Variants in IL1RAPL1 observed in about 807,000 individuals in gnomAD.
The protein encoded by IL1RAPL1 is interleukin-1 receptor accessory protein-like 1.
In IL1RAPL1, 3 loss-of-function variants were observed where a neutral mutation model predicts 48.4. That is an observed-to-expected ratio of 0.06 (90% CI 0.03 to 0.16). The LOEUF (loss-of-function observed/expected upper bound fraction) is 0.16. IL1RAPL1 is among the 10% of genes least tolerant of loss of function. The pLI, the probability that IL1RAPL1 is intolerant of heterozygous loss-of-function variation, is 1.00. For missense variants in IL1RAPL1, 349 were observed against 530.6 expected, an observed-to-expected ratio of 0.66 and a Z score of 3.36; for synonymous variants, 185 against 187.7, an observed-to-expected ratio of 0.99 and a Z score of 0.12.
rs1309460663 is a variant in IL1RAPL1 at position 29,006,639 on chromosome X, TTA to T, written c.82+217222_82+217223del. On this transcript the variant is annotated intron_variant, in intron 2 of 10. Transcript: ENST00000378993. ...TTGTCTTGCCCACATTTGTGTGTGT[TTA>T]TATATATGTGTGTGTGTGTGTGTGT... 3.2e-3 allele frequency among the ~76,000 whole-genome samples: 280 copies of T among 87,960 alleles called. 1 individual carries two copies. The highest frequency in any genetic ancestry group is 0.012 in the Middle Eastern group (2 of 171). The allele number at this position is 87,960 out of a possible 115,157, so 76.4% of individuals were successfully genotyped here.
chrX:29,547,692 A>G (rs1263625413), intron 5 of IL1RAPL1, among the ~76,000 whole-genome samples: 1 of 112,068 alleles, frequency 8.9e-6, no homozygotes, highest in African/African-American at 3.2e-5. Flanking sequence ...TGCTTTCTTA[A>G]AGACAATTTG....
intron 5 of IL1RAPL1, among the ~76,000 whole-genome samples, chrX:29,650,641 A>G (rs1286287592): frequency 9.0e-6 from 1 of 111,380 alleles, no homozygotes; most frequent in African/African-American, 3.3e-5. Context: ...TGGATTAAAG[A>G]CAAAGGTAAG....
chrX:29,714,163 C>T, intron 6 of IL1RAPL1, among the ~76,000 whole-genome samples: 1 of 111,889 alleles, frequency 8.9e-6, no homozygotes, highest in Non-Finnish European at 1.9e-5. Flanking sequence ...CCATTAAGGA[C>T]AGAATCTGCA....
intron 8 of IL1RAPL1, among the ~76,000 whole-genome samples, chrX:29,939,240 C>A (rs1933084650): frequency 1.8e-5 from 2 of 112,131 alleles, no homozygotes; most frequent in African/African-American, 3.2e-5. Flanking sequence ...GATTCTTTTT[C>A]CATTTCTTTT....
chrX:29,897,672 G>A (rs750591105), intron 6 of IL1RAPL1, among the ~76,000 whole-genome samples: 21 of 111,757 alleles, frequency 1.9e-4, no homozygotes, highest in Non-Finnish European at 3.0e-4. Flanking sequence ...GGAAGCTCAC[G>A]GTCTTTAAAT....
intron 2 of IL1RAPL1, among the ~76,000 whole-genome samples, chrX:29,147,346 A>G (rs2147495860): frequency 8.9e-6 from 1 of 112,162 alleles, no homozygotes; most frequent in South Asian, 3.7e-4. Context: ...GTTCATGATT[A>G]TTCTGATTCA....
chrX:29,781,866 G>A (rs964818659), intron 6 of IL1RAPL1, among the ~76,000 whole-genome samples: 4 of 111,486 alleles, frequency 3.6e-5, no homozygotes, highest in African/African-American at 1.3e-4. Flanking sequence ...TTCCAGCTAA[G>A]TATCACTACC....
At chrX:28,754,185 CA>C (rs1290131992) in intron 1 of IL1RAPL1, among the ~76,000 whole-genome samples, 1 of 111,568 alleles carries the variant, frequency 9.0e-6, no homozygotes, top group Non-Finnish European at 1.9e-5. Flanking sequence ...ATACTTCTCT[CA>C]CTTGCTCTTT....
At chrX:29,702,251 C>CAAA (rs1299590583) in intron 6 of IL1RAPL1, among the ~76,000 whole-genome samples, 1 of 59,876 alleles carries the variant, frequency 1.7e-5, no homozygotes, top group African/African-American at 6.2e-5. Context: ...GAGACTCTGT[C>CAAA]AAAAAAAAAA....
Position 28,679,984 on chromosome X carries a change from G to A in IL1RAPL1, c.-25+91937G>A, listed in dbSNP as rs776358984. The stretch of plus-strand genomic sequence containing the variant: ...GAATTTTAAGAATTTTTACATTTCT[G>A]TAAAGAATGCCATTAGGATTTAGAT... On this transcript the variant is annotated intron_variant, in intron 1 of 10. Transcript: ENST00000378993. Among the ~76,000 whole-genome samples the A allele has an allele frequency of 4.5e-5, 5 of 111,726 alleles. No individual in the cohort carries two copies. In the East Asian group the frequency reaches 1.1e-3, roughly 25 times the overall value.
At chrX:29,178,075 G>A (rs1170317234) in intron 2 of IL1RAPL1, among the ~76,000 whole-genome samples, 1 of 111,785 alleles carries the variant, frequency 8.9e-6, no homozygotes, top group African/African-American at 3.3e-5. Context: ...TGTCTTTATA[G>A]TAGCATGATT....
chrX:28,809,235 A>G (rs1936763729), intron 2 of IL1RAPL1, among the ~76,000 whole-genome samples: 1 of 110,661 alleles, frequency 9.0e-6, no homozygotes, highest in Non-Finnish European at 1.9e-5. Flanking sequence ...ACTATGTGAT[A>G]CCTACTATTC....
intron 2 of IL1RAPL1, among the ~76,000 whole-genome samples, chrX:29,228,332 A>AATGTGTGTGTGTGT (rs777963523): frequency 0.05 from 3,938 of 79,425 alleles, 263 homozygotes; most frequent in Non-Finnish European, 0.066. Flanking sequence ...AGTTTTGCCT[A>AATGTGTGTGTGTGT]GTGTGTGTGT....
At chrX:29,883,007 C>T (rs1035147719) in intron 6 of IL1RAPL1, among the ~76,000 whole-genome samples, 8 of 111,238 alleles carry the variant, frequency 7.2e-5, no homozygotes, top group Admixed American at 2.9e-4. Flanking sequence ...AATAGATGAA[C>T]GATGCTATAA....
At chrX:28,977,887 C>CG (rs1291682037) in intron 2 of IL1RAPL1, among the ~76,000 whole-genome samples, 1 of 111,514 alleles carries the variant, frequency 9.0e-6, no homozygotes, top group Non-Finnish European at 1.9e-5. Flanking sequence ...AACCAGGACC[C>CG]GGGGGGTGGA....
chrX:28,678,703 TTAAA>T (rs1935026444), intron 1 of IL1RAPL1, among the ~76,000 whole-genome samples: 1 of 111,587 alleles, frequency 9.0e-6, no homozygotes, highest in African/African-American at 3.3e-5. Context: ...AGTGGAGAGT[TTAAA>T]TAATATGCCA....
At chrX:29,590,360 A>G (rs1273002543) in intron 5 of IL1RAPL1, among the ~76,000 whole-genome samples, 3 of 111,881 alleles carry the variant, frequency 2.7e-5, no homozygotes, top group African/African-American at 6.5e-5. Context: ...ATGAAGCTCT[A>G]TTAGATACAA....
At chrX:29,941,035 C>T (rs901055644) in intron 8 of IL1RAPL1, among the ~76,000 whole-genome samples, 1 of 112,070 alleles carries the variant, frequency 8.9e-6, no homozygotes, top group Non-Finnish European at 1.9e-5. Flanking sequence ...AGCTATTGCT[C>T]CTGGCAGGAG....
At chrX:29,911,685 T>A (rs2041257) in intron 6 of IL1RAPL1, among the ~76,000 whole-genome samples, 35,281 of 110,918 alleles carry the variant, frequency 0.32, 4,692 homozygotes, top group African/African-American at 0.5. Flanking sequence ...TGCGGAATCA[T>A]ATTTTAGTAG....
Sources: allele counts gnomAD v4.1 joint callset (sites outside exome capture counted in the v4.1 genomes callset), GRCh38; gene constraint gnomAD v4.1.1; transcripts MANE v1.5; gene names NCBI Gene and HGNC (gene_info 2026-07-23, HGNC 2026-07-21).